Variants in MBOAT1 observed in about 807,000 individuals in gnomAD.
The protein encoded by MBOAT1 is membrane bound glycerophospholipid O-acyltransferase 1.
A neutral mutation model predicts 64.4 loss-of-function variants in MBOAT1; 67 were observed. That is an observed-to-expected ratio of 1.04 (90% CI 0.85 to 1.27). The LOEUF is 1.27. Ranked by LOEUF, MBOAT1 falls within the 50% of genes most tolerant of loss-of-function variation. The probability of loss-of-function intolerance (pLI) is 0.00; values close to 1 mark genes in which losing one functional copy is unlikely to be tolerated. For synonymous variants in MBOAT1, 229 were observed against 218.9 expected, an observed-to-expected ratio of 1.05 and a Z score of -0.41; for missense variants, 563 against 604.6, an observed-to-expected ratio of 0.93 and a Z score of 0.72.
chr6:20,106,603 T>G (rs1487718960), intron 12 of MBOAT1, among the ~76,000 whole-genome samples: 3 of 152,112 alleles, frequency 2.0e-5, no homozygotes, highest in African/African-American at 4.8e-5. Flanking sequence ...TTTGTATAAT[T>G]AGTACAGACA....
intron 12 of MBOAT1, among the ~76,000 whole-genome samples, chr6:20,106,211 A>T (rs1423898257): frequency 6.6e-6 from 1 of 152,240 alleles, no homozygotes; most frequent in Non-Finnish European, 1.5e-5. Flanking sequence ...GGATTTTCTT[A>T]AAAGATTATG....
rs142278456 is a variant in MBOAT1 at position 20,133,768 on chromosome 6, A to C, written c.420-2569T>G. 9.7e-3 allele frequency among the ~76,000 whole-genome samples: 1,481 copies of C among 152,310 alleles called. 14 individuals carry two copies. The highest frequency in any genetic ancestry group is 0.033 in the African/African-American group (1,359 of 41,552). On this transcript the variant is annotated intron_variant, in intron 4 of 12. Coordinates refer to ENST00000324607, the MANE Select transcript of MBOAT1 (RefSeq NM_001080480.3). ...TCTTGGGTTAGACCTAATGTATTCCATGATTCGGTGGCGCACGTTAAGCAA... is the reference window on the plus strand; with the variant it reads ...TCTTGGGTTAGACCTAATGTATTCCCTGATTCGGTGGCGCACGTTAAGCAA...
In MBOAT1 at chr6:20,100,509, A is replaced by T. The variant is rs552708002; in HGVS notation, c.*1777T>A. ...CACTAGCTCACATCTACTACTTCTT[A>T]ACTTCCACTGTCCCAAATAAGGACT... On this transcript the variant is annotated 3_prime_UTR_variant, in exon 13 of 13. Coordinates refer to ENST00000324607, the MANE Select transcript of MBOAT1 (RefSeq NM_001080480.3). Among the ~76,000 whole-genome samples the T allele has an allele frequency of 5.3e-5, 8 of 152,188 alleles. No individual in the cohort carries two copies. Among genetic ancestry groups the T allele is most frequent in the Admixed American group, 2.0e-4 (3 of 15,296 alleles).
intron 3 of MBOAT1, among the ~76,000 whole-genome samples, chr6:20,149,106 A>C (rs1342470206): frequency 6.6e-6 from 1 of 151,430 alleles, no homozygotes; most frequent in Non-Finnish European, 1.5e-5. Flanking sequence ...GTCTCAAAAA[A>C]AAAAAAAAAA....
chr6:20,109,801 C>A lies in MBOAT1; in HGVS notation c.1210-52G>T, dbSNP rs750481105. 13 of 1,572,910 alleles carry A rather than the reference C, an allele frequency of 8.3e-6. No individual in the cohort carries two copies. In the Admixed American group the frequency reaches 1.4e-4, roughly 17 times the overall value. Reference sequence around the variant, plus strand: ...TGAGGAGGGGGTGAAAAACAAATAACAACTTTTACTCTGTGCATGCAGATA... The same window carrying A: ...TGAGGAGGGGGTGAAAAACAAATAAAAACTTTTACTCTGTGCATGCAGATA... On this transcript the variant is annotated intron_variant, in intron 11 of 12. Coordinates refer to ENST00000324607, the MANE Select transcript of MBOAT1 (RefSeq NM_001080480.3).
intron 12 of MBOAT1, among the ~76,000 whole-genome samples, chr6:20,107,805 A>AG (rs561445544): frequency 6.6e-6 from 1 of 151,998 alleles, no homozygotes; most frequent in African/African-American, 2.4e-5. Context: ...AAAAAAAAAA[A>AG]GCATGTTAGA....
In MBOAT1 at chr6:20,157,113, A is replaced by G. The variant is rs575280466; in HGVS notation, c.100-4344T>C. 7.2e-5 allele frequency among the ~76,000 whole-genome samples: 11 copies of G among 152,170 alleles called. No homozygotes were observed. In the South Asian group the frequency reaches 2.3e-3, roughly 32 times the overall value. On this transcript the variant is annotated intron_variant, in intron 1 of 12. Transcript: ENST00000324607. ...GCCTGAACAACACAGCAAGAACCCC[A>G]TCCACCCAAAAAAATAAAAAATAAA...
At chr6:20,113,372 T>A (rs1207713399) in intron 10 of MBOAT1, among the ~76,000 whole-genome samples, 1 of 152,242 alleles carries the variant, frequency 6.6e-6, no homozygotes, top group African/African-American at 2.4e-5. Context: ...CCTCATCTAC[T>A]GGGGGTGCTT....
At chr6:20,211,323 T>C (rs1183103353) in intron 1 of MBOAT1, among the ~76,000 whole-genome samples, 1 of 152,184 alleles carries the variant, frequency 6.6e-6, no homozygotes, top group Non-Finnish European at 1.5e-5. Context: ...CAGCATGCCC[T>C]GCCCAATTCT....
intron 1 of MBOAT1, among the ~76,000 whole-genome samples, chr6:20,186,202 G>A (rs1256368304): frequency 6.6e-6 from 1 of 152,170 alleles, no homozygotes; most frequent in Non-Finnish European, 1.5e-5. Context: ...GTCAGTCAAT[G>A]ATTTGGGAGG....
chr6:20,169,213 G>A (rs955727159), intron 1 of MBOAT1, among the ~76,000 whole-genome samples: 4 of 152,140 alleles, frequency 2.6e-5, no homozygotes, highest in African/African-American at 7.2e-5. Context: ...TGCAGAACCA[G>A]GGCTATATTT....
chr6:20,124,321 G>T, intron 8 of MBOAT1, 87 bp downstream of exon 8: 1 of 1,364,934 alleles, frequency 7.3e-7, no homozygotes, highest in Non-Finnish European at 1.0e-6. Context: ...CTTCTTTGAT[G>T]AAGTGATCCA....
chr6:20,109,743 TC>T lies in MBOAT1; in HGVS notation c.1215del (p.Asn406ThrfsTer33). Reference sequence around the variant, plus strand: ...GAAAGGAAGTAATGTCTGTAGTTGTTCCTGACCTGCAGGCCAACACAGGCAA... The same window carrying T: ...GAAAGGAAGTAATGTCTGTAGTTGTTCTGACCTGCAGGCCAACACAGGCAA... Reference protein sequence around the residue: ...ILVTLAARAVRNNYRHYFLSS... With the variant: ...ILVTLAARAVXNNYRHYFLSS... On this transcript the variant is annotated frameshift_variant, in exon 12 of 13. Coordinates refer to ENST00000324607, the MANE Select transcript of MBOAT1 (RefSeq NM_001080480.3). LOFTEE classifies it high-confidence loss of function. 1 of 1,613,038 alleles carries T rather than the reference TC, an allele frequency of 6.2e-7. No individual in the cohort carries two copies. Among genetic ancestry groups the T allele is most frequent in the South Asian group, 1.1e-5 (1 of 91,026 alleles).
intron 1 of MBOAT1, among the ~76,000 whole-genome samples, chr6:20,168,529 A>AGAGGAGAGG: frequency 9.6e-6 from 1 of 104,244 alleles, no homozygotes; most frequent in South Asian, 3.0e-4. Context: ...AGAGGAGAGA[A>AGAGGAGAGG]GAGGAGAGGA....
chr6:20,123,232 A>G lies in MBOAT1; in HGVS notation c.907+1176T>C, dbSNP rs1003360109. Among the ~76,000 whole-genome samples, 5 of 152,376 alleles carry G rather than the reference A, an allele frequency of 3.3e-5. No homozygotes were observed. The East Asian group carries it at 9.6e-4, about 29-fold the overall frequency. On this transcript the variant is annotated intron_variant, in intron 8 of 12. Transcript: ENST00000324607. ...TGAACTGAGAGAGAAGAGGAACTCA[A>G]GGAATTAAGTGCTATTCCCTCATTC...
intron 1 of MBOAT1, among the ~76,000 whole-genome samples, chr6:20,202,505 G>A (rs1763150554): frequency 1.3e-5 from 2 of 151,772 alleles, no homozygotes; most frequent in South Asian, 4.2e-4. Flanking sequence ...AAATTAGTCA[G>A]TTTTACTAAA....
At chr6:20,118,669 A>C (rs931990749) in intron 8 of MBOAT1, 129 bp from the exon 9 acceptor site, 1 of 677,780 alleles carries the variant, frequency 1.5e-6, no homozygotes, top group Non-Finnish European at 2.5e-6. Context: ...AAGGAACCCC[A>C]AAATGTAAAG....
rs376658164 is a variant in MBOAT1, at chr6:20,203,796, C to T, written c.99+8340G>A. The stretch of plus-strand genomic sequence containing the variant: ...TAAACAAACAACTTTACAATGGGCC[C>T]GTTTAAAAAAAAAAAAAAAATAGGA... On this transcript the variant is annotated intron_variant, in intron 1 of 12. Transcript: ENST00000324607. Among the ~76,000 whole-genome samples the T allele has an allele frequency of 2.4e-4, 36 of 147,006 alleles. 1 individual carries two copies. Among genetic ancestry groups the T allele is most frequent in the East Asian group, 2.3e-3 (12 of 5,162 alleles).
At chr6:20,136,406 A>T (rs555413977) in intron 4 of MBOAT1, among the ~76,000 whole-genome samples, 1 of 152,368 alleles carries the variant, frequency 6.6e-6, no homozygotes, top group East Asian at 1.9e-4. Context: ...ATGTCTGCAG[A>T]ATTAAATTCC....
Sources: allele counts gnomAD v4.1 joint callset (sites outside exome capture counted in the v4.1 genomes callset), GRCh38; gene constraint gnomAD v4.1.1; transcripts MANE v1.5; gene names NCBI Gene and HGNC (gene_info 2026-07-23, HGNC 2026-07-21).